The following OSTN variants were observed in gnomAD, a reference collection of about 807,000 sequenced individuals.
The protein encoded by OSTN is osteocrin.
In OSTN, 9 loss-of-function variants were observed where a neutral mutation model predicts 12.0. The observed-to-expected ratio is 0.75, with a 90% CI of 0.45 to 1.30. The LOEUF (loss-of-function observed/expected upper bound fraction) is 1.30, where lower values mean the gene tolerates loss of function less well. Among genes scored for constraint, OSTN ranks in the 50% most tolerant of loss-of-function variants. The pLI is 0.00. For synonymous variants in OSTN, 59 were observed against 56.9 expected (o/e 1.04, Z -0.16); for missense variants, 148 against 152.3 (o/e 0.97, Z 0.15).
chr3:191,230,080 A>ATAAATAAATAAG (rs1715012078), intron 3 of OSTN, among the ~76,000 whole-genome samples: 1 of 151,698 alleles, frequency 6.6e-6, no homozygotes, highest in African/African-American at 2.4e-5. Context: ...AAATAAATAA[A>ATAAATAAATAAG]TAAATAAATA....
chr3:191,216,239 A>G (rs887125451), intron 2 of OSTN, among the ~76,000 whole-genome samples: 3 of 152,212 alleles, frequency 2.0e-5, no homozygotes, highest in African/African-American at 7.2e-5. Flanking sequence ...CAAGGCACCA[A>G]GTCCCAAGAC....
At chr3:191,226,268 TACA>T (rs1309769154) in intron 3 of OSTN, among the ~76,000 whole-genome samples, 10 of 152,174 alleles carry the variant, frequency 6.6e-5, no homozygotes, top group African/African-American at 1.7e-4. Context: ...TTCATATTAA[TACA>T]ACAATAGATA....
intron 3 of OSTN, among the ~76,000 whole-genome samples, chr3:191,236,619 G>A (rs749880596): frequency 2.9e-4 from 44 of 150,476 alleles, no homozygotes; most frequent in Non-Finnish European, 1.8e-4. Flanking sequence ...GTTAATCTTT[G>A]TATAACTACT....
At chr3:191,249,404 C>G (rs1054579533) in intron 3 of OSTN, among the ~76,000 whole-genome samples, 1 of 152,042 alleles carries the variant, frequency 6.6e-6, no homozygotes, top group Non-Finnish European at 1.5e-5. Context: ...TATATTAGAC[C>G]TTTGGTAGTA....
intron 2 of OSTN, among the ~76,000 whole-genome samples, chr3:191,212,867 C>CTTTTTTTTTTTTTTT (rs397991965): frequency 5.0e-3 from 464 of 93,082 alleles, no homozygotes; most frequent in Non-Finnish European, 6.0e-3. Context: ...TCTTTTCTTT[C>CTTTTTTTTTTTTTTT]TTTTTTTTTT....
chr3:191,230,542 GC>G (rs1715026825), intron 3 of OSTN, among the ~76,000 whole-genome samples: 1 of 129,684 alleles, frequency 7.7e-6, no homozygotes, highest in Non-Finnish European at 1.5e-5. Context: ...CCAGTCTGGT[GC>G]CAGAGCAAGA....
At chr3:191,225,092 GA>G (rs1224798952) in intron 3 of OSTN, among the ~76,000 whole-genome samples, 1 of 151,686 alleles carries the variant, frequency 6.6e-6, no homozygotes, top group Non-Finnish European at 1.5e-5. Flanking sequence ...GCTTACTTAA[GA>G]AAAAAGTAGA....
chr3:191,212,483 C>T, intron 1 of OSTN, 50 bp from the exon 2 acceptor site: 5 of 1,277,976 alleles, frequency 3.9e-6, no homozygotes, highest in Admixed American at 4.1e-5. Context: ...TGTTTTTTGT[C>T]TTTACATTCC....
At chr3:191,250,319 A>T (rs551829938) in intron 4 of OSTN, among the ~76,000 whole-genome samples, 186 bp downstream of exon 4, 3 of 152,306 alleles carry the variant, frequency 2.0e-5, no homozygotes, top group South Asian at 2.1e-4. Flanking sequence ...AATGATATTT[A>T]AAAAGCAAAA....
At chr3:191,248,302 T>G (rs377398999) in intron 3 of OSTN, among the ~76,000 whole-genome samples, 40 of 152,212 alleles carry the variant, frequency 2.6e-4, no homozygotes, top group South Asian at 8.3e-4. Flanking sequence ...AGGCTATTTA[T>G]GACTCATTTC....
rs575332839 is a variant in OSTN at position 191,241,167 on chromosome 3, CTTTTTTTT to C, written c.318-8848_318-8841del. On this transcript the variant is annotated intron_variant, in intron 3 of 4. Transcript: ENST00000682035. The stretch of plus-strand genomic sequence containing the variant: ...AAGTTGGTGGAGCTCTGTGCCTTGA[CTTTTTTTT>C]TTTTTTTTTTTTTTTTTTTTTGAGA... 4.0e-3 allele frequency among the ~76,000 whole-genome samples: 187 copies of C among 46,460 alleles called. 3 individuals are homozygous for C. Among genetic ancestry groups the C allele is most frequent in the African/African-American group, 9.4e-3 (179 of 18,948 alleles). The allele number at this position is 46,460 out of a possible 152,430, so 30.5% of individuals were successfully genotyped here.
intron 3 of OSTN, among the ~76,000 whole-genome samples, chr3:191,224,875 T>C (rs141276289): frequency 2.2e-3 from 327 of 151,928 alleles, no homozygotes; most frequent in African/African-American, 7.8e-3. Flanking sequence ...ACTAGCATGA[T>C]AGTAATAAAA....
At chr3:191,213,780 G>A (rs1313905262) in intron 2 of OSTN, among the ~76,000 whole-genome samples, 1 of 151,368 alleles carries the variant, frequency 6.6e-6, no homozygotes, top group African/African-American at 2.4e-5. Flanking sequence ...TTTTTTTTAA[G>A]ATTAAGGATG....
chr3:191,250,006 G>C (rs775609620), intron 3 of OSTN, 31 bp from the exon 4 acceptor site: 1 of 1,534,564 alleles, frequency 6.5e-7, no homozygotes, highest in South Asian at 1.1e-5. Flanking sequence ...TTGCCCTTTA[G>C]TTTAAAAATG....
intron 4 of OSTN, among the ~76,000 whole-genome samples, chr3:191,261,387 T>C (rs9917717): frequency 0.46 from 69,440 of 151,564 alleles, 16,863 homozygotes; most frequent in Non-Finnish European, 0.54. Flanking sequence ...CAAAAACAGG[T>C]TTTAGTGACA....
intron 3 of OSTN, among the ~76,000 whole-genome samples, chr3:191,223,823 A>T (rs1318716886): frequency 6.6e-6 from 1 of 152,172 alleles, no homozygotes; most frequent in Non-Finnish European, 1.5e-5. Flanking sequence ...TTAAAATATG[A>T]TTTAAAAATC....
chr3:191,205,103 A>G (rs1714238319), intron 1 of OSTN, among the ~76,000 whole-genome samples: 1 of 152,234 alleles, frequency 6.6e-6, no homozygotes, highest in Non-Finnish European at 1.5e-5. Context: ...AGGAAACAAT[A>G]TTAAATATAA....
intron 2 of OSTN, among the ~76,000 whole-genome samples, chr3:191,215,045 G>A (rs1354909004): frequency 7.2e-5 from 11 of 152,288 alleles, no homozygotes; most frequent in African/African-American, 2.4e-4. Context: ...CCAAGACTAG[G>A]TAATTTATAA....
At chr3:191,232,602 A>AT (rs150259369) in intron 3 of OSTN, among the ~76,000 whole-genome samples, 9,478 of 142,774 alleles carry the variant, frequency 0.066, 1,083 homozygotes, top group African/African-American at 0.23. Context: ...TGACTAAATC[A>AT]TTTTTTTTTT....
Sources: gnomAD v4.1 joint callset for allele counts (sites outside exome capture counted in the v4.1 genomes callset) on GRCh38, gnomAD v4.1.1 for gene constraint, MANE v1.5 for transcripts, NCBI Gene and HGNC (gene_info 2026-07-23, HGNC 2026-07-21) for gene names.